ZBTB44: variants seen among roughly 807,000 people sequenced by gnomAD.
The protein encoded by ZBTB44 is zinc finger and BTB domain containing 44.
In ZBTB44, 15 loss-of-function variants were observed where a neutral mutation model predicts 54.0. The ratio of observed to expected loss-of-function variants is 0.28; its 90% confidence interval spans 0.19 to 0.43. ZBTB44 has a LOEUF of 0.43. ZBTB44 is among the 20% of genes least tolerant of loss of function. The pLI, the probability that ZBTB44 is intolerant of heterozygous loss-of-function variation, is 1.00. For synonymous variants in ZBTB44, 230 were observed against 250.1 expected, an observed-to-expected ratio of 0.92 and a Z score of 0.76; for missense variants, 487 against 707.1, an observed-to-expected ratio of 0.69 and a Z score of 3.53.
At chr11:130,272,688 CT>C (rs146449870) in intron 1 of ZBTB44, among the ~76,000 whole-genome samples, 17,737 of 141,160 alleles carry the variant, frequency 0.13, 2,741 homozygotes, top group African/African-American at 0.37. Context: ...TTACTAATAT[CT>C]TTTTTTTTTT....
intron 2 of ZBTB44, among the ~76,000 whole-genome samples, chr11:130,259,128 C>T (rs760542072): frequency 4.6e-5 from 7 of 152,048 alleles, no homozygotes; most frequent in Non-Finnish European, 4.4e-5. Context: ...GAATCAATAT[C>T]GTGAAAATGG....
intron 2 of ZBTB44, among the ~76,000 whole-genome samples, chr11:130,257,962 C>G (rs2136411838): frequency 6.6e-6 from 1 of 152,326 alleles, no homozygotes; most frequent in East Asian, 1.9e-4. Context: ...TGAAATGACA[C>G]TGCTTGATCA....
intron 1 of ZBTB44, among the ~76,000 whole-genome samples, chr11:130,270,629 G>A (rs1052957363): frequency 2.1e-5 from 3 of 144,658 alleles, no homozygotes; most frequent in Non-Finnish European, 4.4e-5. Flanking sequence ...TTTCTTGGTG[G>A]CAGCAGTGAG....
chr11:130,257,448 T>C (rs2136407501), intron 2 of ZBTB44, among the ~76,000 whole-genome samples: 1 of 152,160 alleles, frequency 6.6e-6, no homozygotes. Flanking sequence ...GGGAAGGTCA[T>C]GTGAAGACGA....
chr11:130,270,575 T>C (rs1939594807), intron 1 of ZBTB44, among the ~76,000 whole-genome samples: 2 of 152,148 alleles, frequency 1.3e-5, no homozygotes, highest in South Asian at 2.1e-4. Context: ...AAAGTACAGG[T>C]AGCCACATGG....
chr11:130,306,619 A>G (rs561522346), intron 1 of ZBTB44, among the ~76,000 whole-genome samples: 2 of 152,338 alleles, frequency 1.3e-5, no homozygotes, highest in South Asian at 4.1e-4. Context: ...ACACACTTAC[A>G]GCAGCACAAT....
chr11:130,275,560 A>AT (rs1369158025), intron 1 of ZBTB44, among the ~76,000 whole-genome samples: 5 of 152,320 alleles, frequency 3.3e-5, no homozygotes, highest in South Asian at 2.1e-4. Context: ...TAATTACCAC[A>AT]TATTTGTGAG....
chr11:130,290,677 G>C (rs987089203), intron 1 of ZBTB44, among the ~76,000 whole-genome samples: 1 of 152,132 alleles, frequency 6.6e-6, no homozygotes, highest in Non-Finnish European at 1.5e-5. Context: ...TAATCACGCT[G>C]AACTATCAAC....
At chr11:130,312,443 C>T (rs938806809) in intron 1 of ZBTB44, among the ~76,000 whole-genome samples, 2 of 152,186 alleles carry the variant, frequency 1.3e-5, no homozygotes, top group African/African-American at 4.8e-5. Flanking sequence ...ATTAAATATT[C>T]TTGCCAAAGG....
intron 1 of ZBTB44, among the ~76,000 whole-genome samples, chr11:130,303,605 G>A (rs1027531397): frequency 4.6e-5 from 7 of 151,940 alleles, no homozygotes; most frequent in African/African-American, 1.7e-4. Context: ...ATTGCACTCC[G>A]GCCTGGGCAA....
Position 130,249,603 on chromosome 11 carries a change from C to T in ZBTB44, c.1019-9707G>A, listed in dbSNP as rs139504537. 6.1e-3 allele frequency among the ~76,000 whole-genome samples: 932 copies of T among 152,340 alleles called. 10 individuals carry two copies. Among genetic ancestry groups the T allele is most frequent in the African/African-American group, 0.021 (877 of 41,570 alleles). ...ATTTCTAATGAGGTACCCTGTTCAT[C>T]TCACTGGGACTAGTTAGGCAGTGGG... On this transcript the variant is annotated intron_variant, in intron 2 of 7. Coordinates refer to ENST00000357899, the MANE Select transcript of ZBTB44 (RefSeq NM_001301098.2).
chr11:130,243,560 GT>G (rs1207757434), intron 2 of ZBTB44, among the ~76,000 whole-genome samples: 1 of 152,166 alleles, frequency 6.6e-6, no homozygotes. Flanking sequence ...GCCAAGGCAG[GT>G]TTTTCTACAG....
At chr11:130,313,179 C>T (rs1942726902) in intron 1 of ZBTB44, among the ~76,000 whole-genome samples, 1 of 152,208 alleles carries the variant, frequency 6.6e-6, no homozygotes, top group South Asian at 2.1e-4. Flanking sequence ...GAAATCTAAA[C>T]TATCTTACTA....
At chr11:130,292,664 A>G (rs1388493080) in intron 1 of ZBTB44, among the ~76,000 whole-genome samples, 2 of 152,250 alleles carry the variant, frequency 1.3e-5, no homozygotes, top group African/African-American at 4.8e-5. Flanking sequence ...AATGATAAAC[A>G]AAACATATAA....
intron 1 of ZBTB44, among the ~76,000 whole-genome samples, chr11:130,299,840 C>T (rs1941895861): frequency 6.6e-6 from 1 of 152,152 alleles, no homozygotes; most frequent in South Asian, 2.1e-4. Flanking sequence ...AAAGCAAGGA[C>T]ACACCAGTAT....
intron 2 of ZBTB44, among the ~76,000 whole-genome samples, chr11:130,241,930 T>G (rs1954384287): frequency 6.6e-6 from 1 of 152,198 alleles, no homozygotes; most frequent in South Asian, 2.1e-4. Flanking sequence ...AGGTCTGTTT[T>G]CGGGTTTTCT....
intron 1 of ZBTB44, among the ~76,000 whole-genome samples, chr11:130,275,794 A>C (rs1940019036): frequency 6.6e-6 from 1 of 151,996 alleles, no homozygotes; most frequent in Non-Finnish European, 1.5e-5. Flanking sequence ...TGCCCAGATA[A>C]TTTTTGTATT....
chr11:130,262,643 G>T (rs1242578611), intron 1 of ZBTB44, among the ~76,000 whole-genome samples: 1 of 151,334 alleles, frequency 6.6e-6, no homozygotes, highest in African/African-American at 2.4e-5. Flanking sequence ...TGTAAACACT[G>T]AACAATCCAT....
intron 1 of ZBTB44, among the ~76,000 whole-genome samples, chr11:130,268,724 G>A (rs1045832215): frequency 2.6e-5 from 4 of 151,742 alleles, no homozygotes; most frequent in South Asian, 4.2e-4. Context: ...GAATACAGTC[G>A]CCAGACACTA....
Sources: gnomAD v4.1 joint callset for allele counts (sites outside exome capture counted in the v4.1 genomes callset) on GRCh38, gnomAD v4.1.1 for gene constraint, MANE v1.5 for transcripts, NCBI Gene and HGNC (gene_info 2026-07-23, HGNC 2026-07-21) for gene names.